Variants in TCAIM observed in about 807,000 individuals in gnomAD.
The protein encoded by TCAIM is T cell activation inhibitor, mitochondrial.
Under a neutral mutation model 58.6 loss-of-function variants are expected in TCAIM, and 36 were observed. The observed-to-expected ratio is 0.61, with a 90% CI of 0.47 to 0.81. The LOEUF (loss-of-function observed/expected upper bound fraction) is 0.81. TCAIM is among the 30% of genes least tolerant of loss of function. The probability of loss-of-function intolerance (pLI) is 0.00; values close to 1 mark genes in which losing one functional copy is unlikely to be tolerated. For synonymous variants in TCAIM, 172 were observed against 193.6 expected, an observed-to-expected ratio of 0.89 and a Z score of 0.93; for missense variants, 466 against 579.6, an observed-to-expected ratio of 0.80 and a Z score of 2.01.
At chr3:44,367,740 A>G in intron 5 of TCAIM, 32 bp downstream of exon 5, 1 of 1,550,066 alleles carries the variant, frequency 6.5e-7, no homozygotes, top group South Asian at 1.2e-5. Flanking sequence ...ACTAAACTGT[A>G]TTTGTAGTTT....
intron 1 of TCAIM, among the ~76,000 whole-genome samples, chr3:44,346,504 G>T (rs1700971285): frequency 6.6e-6 from 1 of 152,216 alleles, no homozygotes; most frequent in Non-Finnish European, 1.5e-5. Context: ...TTGATGTGTA[G>T]GGAAGGGAGA....
Position 44,392,987 on chromosome 3 carries a change from A to C in TCAIM, c.695+10A>C, listed in dbSNP as rs376187433. On this transcript the variant is annotated intron_variant, in intron 6 of 10. Transcript: ENST00000342649. ...AACTCTCAGATATCAGGTAAGAAAG[A>C]AGAGAGAACCTAATTTAGAAATTGA... The C allele has an allele frequency of 4.8e-5, 76 of 1,597,918 alleles. No homozygotes were observed. The African/African-American group carries it at 9.7e-4, about 20-fold the overall frequency.
At chr3:44,397,478 T>C (rs904060332) in intron 8 of TCAIM, among the ~76,000 whole-genome samples, 2 of 152,248 alleles carry the variant, frequency 1.3e-5, no homozygotes, top group African/African-American at 4.8e-5. Flanking sequence ...TATTCCTTTT[T>C]ATTACTGCGT....
intron 5 of TCAIM, among the ~76,000 whole-genome samples, chr3:44,382,954 T>C (rs1250006627): frequency 2.0e-5 from 3 of 152,056 alleles, no homozygotes; most frequent in Admixed American, 2.0e-4. Context: ...CCAAAGAAGG[T>C]ATATAAATGG....
upstream of TCAIM, chr3:44,338,141 C>T (rs984344792): frequency 1.3e-5 from 2 of 152,608 alleles, no homozygotes; most frequent in African/African-American, 2.4e-5. Context: ...TCCCTTTCCC[C>T]TTCTTCCCCA....
Position 44,381,744 on chromosome 3 carries a change from A to G in TCAIM, c.573-11111A>G, listed in dbSNP as rs79968290. Among the ~76,000 whole-genome samples the G allele has an allele frequency of 1.2e-4, 19 of 152,312 alleles. No homozygotes were observed. In the East Asian group the frequency reaches 2.9e-3, roughly 23 times the overall value. ...ATACATAGAAAACTCTGCAGATTCCACTGAAGAATCTGTTAGACCTAATTA... is the reference window on the plus strand; with the variant it reads ...ATACATAGAAAACTCTGCAGATTCCGCTGAAGAATCTGTTAGACCTAATTA... On this transcript the variant is annotated intron_variant, in intron 5 of 10. Transcript: ENST00000342649.
chr3:44,350,790 A>G (rs967262216), intron 1 of TCAIM, among the ~76,000 whole-genome samples: 4 of 152,218 alleles, frequency 2.6e-5, no homozygotes, highest in African/African-American at 9.7e-5. Flanking sequence ...AAGCAAAATG[A>G]AAACATTTAA....
chr3:44,370,572 A>G (rs1701448996), intron 5 of TCAIM, among the ~76,000 whole-genome samples: 1 of 152,008 alleles, frequency 6.6e-6, no homozygotes, highest in Non-Finnish European at 1.5e-5. Flanking sequence ...TACAGAAATT[A>G]AAGTAAACCC....
At chr3:44,383,347 C>G (rs4682973) in intron 5 of TCAIM, among the ~76,000 whole-genome samples, 98,662 of 152,026 alleles carry the variant, frequency 0.65, 32,891 homozygotes, top group East Asian at 0.97. Flanking sequence ...TGATATACTC[C>G]TACAGTGGAA....
intron 1 of TCAIM, chr3:44,341,441 C>T (rs780927410): frequency 6.6e-6 from 1 of 152,024 alleles, no homozygotes; most frequent in Non-Finnish European, 1.5e-5. Context: ...TTTTTTAATT[C>T]TGATGAATTA....
rs796537347 is a variant in TCAIM at position 44,370,669 on chromosome 3, T to G, written c.572+2961T>G. On this transcript the variant is annotated intron_variant, in intron 5 of 10. Transcript: ENST00000342649. ...AGCATTACAGTAGATAGGTTTTTTGTTTTTTTTTTTTAGTTTTTTTATGCT... is the reference window on the plus strand; with the variant it reads ...AGCATTACAGTAGATAGGTTTTTTGGTTTTTTTTTTTAGTTTTTTTATGCT... Among the ~76,000 whole-genome samples the G allele has an allele frequency of 1.1e-4, 16 of 144,030 alleles. No homozygotes were observed. The South Asian group carries it at 1.8e-3, about 16-fold the overall frequency. The allele number at this position is 144,030 out of a possible 152,430, so 94.5% of individuals were successfully genotyped here. A position where few individuals can be genotyped will look rare whatever the true frequency, so the allele number is the denominator to read the frequency against.
chr3:44,404,251 G>A (rs1286802233), intron 10 of TCAIM, among the ~76,000 whole-genome samples: 1 of 152,062 alleles, frequency 6.6e-6, no homozygotes, highest in African/African-American at 2.4e-5. Flanking sequence ...CAGCTGGCCT[G>A]CCTTTCTCCA....
rs1700786238 is a variant in TCAIM at position 44,338,813 on chromosome 3, G to A, written c.-66G>A. The A allele has an allele frequency of 6.6e-6, 1 of 152,332 alleles. No individual in the cohort carries two copies. Among genetic ancestry groups the A allele is most frequent in the Non-Finnish European group, 1.5e-5 (1 of 68,128 alleles). 9.4% of individuals were successfully genotyped at this position (152,332 alleles called of 1,614,324 possible). Reference sequence around the variant, plus strand: ...GTGGAACTAGTCGGACAAAGCCCTCGCGTCGGACCCTTGCCAGAACTGTAA... The same window carrying A: ...GTGGAACTAGTCGGACAAAGCCCTCACGTCGGACCCTTGCCAGAACTGTAA... On this transcript the variant is annotated 5_prime_UTR_variant, in exon 1 of 11. Transcript: ENST00000342649.
Position 44,357,877 on chromosome 3 carries a change from G to T in TCAIM, c.165+1G>T. 6.2e-7 allele frequency: 1 copy of T among 1,612,302 alleles called. No individual in the cohort carries two copies. The highest frequency in any genetic ancestry group is 8.5e-7 in the Non-Finnish European group (1 of 1,179,596). On this transcript the variant is annotated splice_donor_variant, in intron 3 of 10. Coordinates refer to ENST00000342649, the MANE Select transcript of TCAIM (RefSeq NM_173826.4). LOFTEE classifies it high-confidence loss of function. The stretch of plus-strand genomic sequence containing the variant: ...CTTTGGACAGCACCCCGTAGAAAGG[G>T]TAAACATTTATTTATTTTTAAACCA...
At chr3:44,353,364 A>G (rs1701130999) in intron 1 of TCAIM, among the ~76,000 whole-genome samples, 4 of 152,252 alleles carry the variant, frequency 2.6e-5, no homozygotes. Context: ...TTTAGCAGTT[A>G]TAAATAAAGC....
intron 10 of TCAIM, among the ~76,000 whole-genome samples, chr3:44,405,484 G>T (rs1240166934): frequency 6.6e-6 from 1 of 151,634 alleles, no homozygotes. Flanking sequence ...ACCAGTCTGG[G>T]CTACATGGTG....
At chr3:44,361,321 C>T (rs754579592) in intron 3 of TCAIM, 44 bp from the exon 4 acceptor site, 11 of 1,489,496 alleles carry the variant, frequency 7.4e-6, no homozygotes, top group Admixed American at 2.2e-5. Flanking sequence ...CTGATATTTC[C>T]TTGTTCTATT....
At chr3:44,359,053 T>C in intron 3 of TCAIM, 4 of 982,492 alleles carry the variant, frequency 4.1e-6, no homozygotes, top group Non-Finnish European at 4.8e-6. Context: ...AGCTTAGTAA[T>C]ACTTTAATAT....
intron 1 of TCAIM, among the ~76,000 whole-genome samples, chr3:44,345,412 TA>T (rs1391366022): frequency 2.0e-5 from 3 of 152,230 alleles, no homozygotes; most frequent in Non-Finnish European, 4.4e-5. Flanking sequence ...GGGTTCAGCA[TA>T]ATTACTTGCT....
Sources: gnomAD v4.1 joint callset for allele counts (sites outside exome capture counted in the v4.1 genomes callset) on GRCh38, gnomAD v4.1.1 for gene constraint, MANE v1.5 for transcripts, NCBI Gene and HGNC (gene_info 2026-07-23, HGNC 2026-07-21) for gene names.